PTPRO: variants seen among roughly 807,000 people sequenced by gnomAD.
PTPRO encodes the protein protein tyrosine phosphatase receptor type O, also known as receptor-type tyrosine-protein phosphatase O.
A neutral mutation model predicts 145.2 loss-of-function variants in PTPRO; 62 were observed. That is an observed-to-expected ratio of 0.43 (90% CI 0.35 to 0.53). The LOEUF is 0.53. PTPRO is among the 20% of genes least tolerant of loss of function. PTPRO has a pLI of 0.01. For missense variants in PTPRO, 1,345 were observed against 1,482.7 expected (o/e 0.91, Z 1.53); for synonymous variants, 565 against 514.7 (o/e 1.10, Z -1.32).
chr12:15,528,208 T>G lies in PTPRO; in HGVS notation c.2164+1946T>G, dbSNP rs571095124. Among the ~76,000 whole-genome samples, 5 of 150,784 alleles carry G rather than the reference T, an allele frequency of 3.3e-5. No individual in the cohort carries two copies. The South Asian group carries it at 1.1e-3, about 32-fold the overall frequency. On this transcript the variant is annotated intron_variant, in intron 12 of 26. Coordinates refer to ENST00000281171, the MANE Select transcript of PTPRO (RefSeq NM_030667.3). ...AAAATAAGACTGAAAGTAAGTGAAG[T>G]CTGACTATAAGATATTAAAAAAAAA...
intron 2 of PTPRO, among the ~76,000 whole-genome samples, chr12:15,486,975 C>T (rs945873826): frequency 1.3e-5 from 2 of 152,094 alleles, no homozygotes; most frequent in Non-Finnish European, 2.9e-5. Context: ...TCGTTCATCA[C>T]AGATTTCCAG....
At chr12:15,444,720 C>G (rs1940858508) in intron 1 of PTPRO, among the ~76,000 whole-genome samples, 1 of 152,016 alleles carries the variant, frequency 6.6e-6, no homozygotes, top group Non-Finnish European at 1.5e-5. Flanking sequence ...GATGACACAG[C>G]AAAATGATGA....
chr12:15,525,046 T>C (rs1942809038), intron 11 of PTPRO, 81 bp downstream of exon 11: 2 of 1,522,518 alleles, frequency 1.3e-6, no homozygotes, highest in East Asian at 4.5e-5. Flanking sequence ...CAATCATTTA[T>C]TGACACGTCA....
Position 15,484,132 on chromosome 12 carries a change from G to A in PTPRO, c.234G>A (p.Leu78=). The A allele has an allele frequency of 6.2e-7, 1 of 1,613,756 alleles. No homozygotes were observed. Residue 78 remains leucine (L), a synonymous_variant, in exon 2 of 27, where the codon TTG becomes TTA. Transcript: ENST00000281171. ...FFEFEEFNST[L]PPPVIFKASY... The stretch of plus-strand genomic sequence containing the variant: ...AATTTGAGGAATTCAACAGCACTTT[G>A]CCTCCTCCTGTTATTTTCAAGGCCA...
In PTPRO at chr12:15,493,076, A is replaced by G. The variant is rs537895114; in HGVS notation, c.350-4169A>G. On this transcript the variant is annotated intron_variant, in intron 2 of 26. Coordinates refer to ENST00000281171, the MANE Select transcript of PTPRO (RefSeq NM_030667.3). ...TTACTAAGGCTGAATGAAAATAGAT[A>G]AATAAGCTTGAAAGGTACAAGAGAA... 1.3e-4 allele frequency among the ~76,000 whole-genome samples: 20 copies of G among 152,280 alleles called. No individual in the cohort carries two copies. The South Asian group carries it at 3.9e-3, about 30-fold the overall frequency.
intron 1 of PTPRO, among the ~76,000 whole-genome samples, chr12:15,458,299 T>C (rs12827696): frequency 6.6e-6 from 1 of 152,158 alleles, no homozygotes; most frequent in African/African-American, 2.4e-5. Flanking sequence ...TTATCTTTGG[T>C]TTTTGACAAT....
intron 1 of PTPRO, among the ~76,000 whole-genome samples, chr12:15,391,648 T>G (rs563306630): frequency 5.9e-5 from 9 of 152,348 alleles, no homozygotes; most frequent in African/African-American, 2.2e-4. Flanking sequence ...TAGTCATTAC[T>G]CACCTTGGCT....
At chr12:15,445,872 A>G (rs1288434459) in intron 1 of PTPRO, among the ~76,000 whole-genome samples, 1 of 152,158 alleles carries the variant, frequency 6.6e-6, no homozygotes, top group African/African-American at 2.4e-5. Flanking sequence ...AACTCAGCCA[A>G]ATATTAAAAT....
At chr12:15,446,192 G>A (rs759011863) in intron 1 of PTPRO, among the ~76,000 whole-genome samples, 15 of 152,110 alleles carry the variant, frequency 9.9e-5, no homozygotes, top group Non-Finnish European at 1.9e-4. Context: ...TTCCTTAAAT[G>A]TTGGGGGTTT....
chr12:15,469,194 A>T (rs1395078371), intron 1 of PTPRO, among the ~76,000 whole-genome samples: 1 of 152,230 alleles, frequency 6.6e-6, no homozygotes. Context: ...TTATCTTTCA[A>T]TAAGTGGGAC....
chr12:15,424,185 T>C (rs933865739), intron 1 of PTPRO, among the ~76,000 whole-genome samples: 1 of 151,910 alleles, frequency 6.6e-6, no homozygotes, highest in Non-Finnish European at 1.5e-5. Context: ...TTCTTATTTA[T>C]TTACATAGAG....
intron 1 of PTPRO, among the ~76,000 whole-genome samples, chr12:15,394,938 C>G (rs1033447800): frequency 3.3e-5 from 5 of 152,102 alleles, no homozygotes; most frequent in Admixed American, 6.5e-5. Flanking sequence ...CCTAACAGAA[C>G]AGATGAGAAC....
intron 12 of PTPRO, among the ~76,000 whole-genome samples, chr12:15,538,187 G>T (rs1943104524): frequency 6.6e-6 from 1 of 151,298 alleles, no homozygotes; most frequent in South Asian, 2.1e-4. Context: ...TCTTCTGAGT[G>T]TCACCATGGT....
chr12:15,513,181 GAA>G (rs1565675798), intron 7 of PTPRO, among the ~76,000 whole-genome samples: 5 of 87,856 alleles, frequency 5.7e-5, no homozygotes, highest in African/African-American at 2.6e-4. Flanking sequence ...AAGAAAGAAA[GAA>G]AGAAAGAAAG....
chr12:15,504,571 G>A (rs1942283829), intron 6 of PTPRO, among the ~76,000 whole-genome samples: 2 of 152,158 alleles, frequency 1.3e-5, no homozygotes, highest in South Asian at 4.1e-4. Context: ...TCAAGTCCTA[G>A]GGTGGCCTCT....
chr12:15,581,578 C>T (rs1944318373), intron 22 of PTPRO, 101 bp from the exon 23 acceptor site: 6 of 1,394,412 alleles, frequency 4.3e-6, no homozygotes, highest in Non-Finnish European at 6.0e-6. Context: ...ACGGTCCTAT[C>T]TAATTCTTTA....
rs771479967 is a variant in PTPRO, at chr12:15,581,669, C to T, written c.3133-10C>T. On this transcript the variant is annotated splice_polypyrimidine_tract_variant and intron_variant, in intron 22 of 26. Coordinates refer to ENST00000281171, the MANE Select transcript of PTPRO (RefSeq NM_030667.3). ...GTTTGTTTTAAAAAATTGTTTTGTC[C>T]TTGCTCCAGGTGAAATGTGACCATT... is the stretch of plus-strand genomic sequence containing the variant. 1 of 1,613,648 alleles carries T rather than the reference C, an allele frequency of 6.2e-7. No individual in the cohort carries two copies. Among genetic ancestry groups the T allele is most frequent in the South Asian group, 1.1e-5 (1 of 91,070 alleles).
rs183025215 is a variant in PTPRO, at chr12:15,552,838, C to T, written c.2558+1167C>T. On this transcript the variant is annotated intron_variant, in intron 15 of 26. Transcript: ENST00000281171. ...TTTTTGAGACAGAGTCTCACTCTGT[C>T]GCCCAGGCTGGAGTGCAATGGTGCC... 2.3e-4 allele frequency among the ~76,000 whole-genome samples: 26 copies of T among 114,976 alleles called. No homozygotes were observed. The East Asian group carries it at 3.1e-3, about 14-fold the overall frequency. 75.4% of individuals were successfully genotyped at this position (114,976 alleles called of 152,430 possible). A position where few individuals can be genotyped will look rare whatever the true frequency, so the allele number is the denominator to read the frequency against.
rs201296496 is a variant in PTPRO at position 15,565,651 on chromosome 12, T to C, written c.2747+23T>C. 734 of 1,380,870 alleles carry C rather than the reference T, an allele frequency of 5.3e-4. 1 individual carries two copies. Among genetic ancestry groups the C allele is most frequent in the Non-Finnish European group, 6.9e-4 (668 of 973,124 alleles). The allele number at this position is 1,380,870 out of a possible 1,614,324, so 85.5% of individuals were successfully genotyped here. On this transcript the variant is annotated intron_variant, in intron 18 of 26. Transcript: ENST00000281171. ...AAAGTAAGTTTTTCTTACTATGTCA[T>C]TTAAAAGGATGTTTGTTATAATAAT...
Sources: allele counts gnomAD v4.1 joint callset (sites outside exome capture counted in the v4.1 genomes callset), GRCh38; gene constraint gnomAD v4.1.1; transcripts MANE v1.5; gene names NCBI Gene and HGNC (gene_info 2026-07-23, HGNC 2026-07-21).